LINGO2: variants seen among roughly 807,000 people sequenced by gnomAD.
LINGO2 encodes the protein leucine rich repeat and Ig domain containing 2, also known as leucine-rich repeat and immunoglobulin-like domain-containing nogo receptor-interacting protein 2.
In LINGO2, 14 loss-of-function variants were observed where a neutral mutation model predicts 30.6. The ratio of observed to expected loss-of-function variants is 0.46; its 90% CI spans 0.30 to 0.72. The LOEUF (loss-of-function observed/expected upper bound fraction) is 0.72. LINGO2 is among the 30% of genes least tolerant of loss of function. The pLI is 0.07. For synonymous variants in LINGO2, 317 were observed against 288.5 expected, an observed-to-expected ratio of 1.10 and a Z score of -1.00; for missense variants, 729 against 751.7, an observed-to-expected ratio of 0.97 and a Z score of 0.35.
chr9:28,771,375 G>A, the LINGO2 span, among the ~76,000 whole-genome samples: 1 of 151,050 alleles, frequency 6.6e-6, no homozygotes, highest in Non-Finnish European at 1.5e-5. Flanking sequence ...TAAGAAATCT[G>A]ATGTTGATCT....
chr9:28,222,528 T>C lies in LINGO2; in HGVS notation c.-87+72680A>G, dbSNP rs547593757. On this transcript the variant is annotated intron_variant, in intron 4 of 5. Coordinates refer to ENST00000379992, the Ensembl canonical transcript of LINGO2. ...AACTTGACTTAGGTAAAGGCAAAAT[T>C]TAAAAAAAAAAAGTCAGCATTACCT... 2.8e-5 allele frequency among the ~76,000 whole-genome samples: 4 copies of C among 140,914 alleles called. No individual in the cohort carries two copies. In the South Asian group the frequency reaches 9.3e-4, roughly 33 times the overall value. The allele number at this position is 140,914 out of a possible 152,430, so 92.4% of individuals were successfully genotyped here. A position where few individuals can be genotyped will look rare whatever the true frequency, so the allele number is the denominator to read the frequency against.
At chr9:29,091,939 T>C in the LINGO2 span, among the ~76,000 whole-genome samples, 1 of 152,036 alleles carries the variant, frequency 6.6e-6, no homozygotes, top group Non-Finnish European at 1.5e-5. Flanking sequence ...TATAAGAAAG[T>C]ACTAAATCGC....
the LINGO2 span, among the ~76,000 whole-genome samples, chr9:28,860,186 C>A: frequency 1.3e-5 from 2 of 152,002 alleles, no homozygotes; most frequent in South Asian, 4.1e-4. Context: ...TGGAAAAATA[C>A]CATTTTTACT....
intron 1 of LINGO2, among the ~76,000 whole-genome samples, chr9:28,580,107 G>A (rs1379039531): frequency 6.6e-6 from 1 of 152,040 alleles, no homozygotes; most frequent in Non-Finnish European, 1.5e-5. Context: ...TTGAGCCACA[G>A]GAATAGAATC....
intron 4 of LINGO2, among the ~76,000 whole-genome samples, chr9:28,111,225 C>T (rs1425321349): frequency 2.0e-5 from 3 of 151,858 alleles, no homozygotes; most frequent in Non-Finnish European, 2.9e-5. Flanking sequence ...ATCACACACC[C>T]GGGCCTATCG....
chr9:28,593,054 A>G (rs1304253324), intron 1 of LINGO2, among the ~76,000 whole-genome samples: 3 of 152,084 alleles, frequency 2.0e-5, no homozygotes, highest in Non-Finnish European at 2.9e-5. Flanking sequence ...ATATTAACAA[A>G]TACTAATTAC....
At chr9:28,837,567 A>C in the LINGO2 span, among the ~76,000 whole-genome samples, 1 of 148,588 alleles carries the variant, frequency 6.7e-6, no homozygotes, top group South Asian at 2.2e-4. Flanking sequence ...GAATTGCTTG[A>C]ACCCAAGAGG....
At chr9:28,687,489 T>C in the LINGO2 span, among the ~76,000 whole-genome samples, 8 of 152,258 alleles carry the variant, frequency 5.3e-5, no homozygotes, top group African/African-American at 1.4e-4. Flanking sequence ...ATAAATACTA[T>C]GCCAGAAGCT....
chr9:28,134,814 G>A lies in LINGO2; in HGVS notation c.-86-122409C>T, dbSNP rs73643301. Among the ~76,000 whole-genome samples, 1,206 of 152,290 alleles carry A rather than the reference G, an allele frequency of 7.9e-3. 7 individuals are homozygous for A. The highest frequency in any genetic ancestry group is 0.026 in the African/African-American group (1,083 of 41,552). On this transcript the variant is annotated intron_variant, in intron 4 of 5. Coordinates refer to ENST00000379992, the Ensembl canonical transcript of LINGO2. ...TGCCTTGGACAACAGAGCCGTTTCCGTTTATGACAACGGCAGTGAAGAAAT... is the reference window on the plus strand; with the variant it reads ...TGCCTTGGACAACAGAGCCGTTTCCATTTATGACAACGGCAGTGAAGAAAT...
chr9:28,826,602 T>C, the LINGO2 span, among the ~76,000 whole-genome samples: 1 of 152,134 alleles, frequency 6.6e-6, no homozygotes, highest in East Asian at 1.9e-4. Flanking sequence ...ATAATAAAAT[T>C]GGCTAGATGA....
chr9:29,064,047 C>A, the LINGO2 span, among the ~76,000 whole-genome samples: 15 of 152,080 alleles, frequency 9.9e-5, no homozygotes, highest in African/African-American at 2.9e-4. Flanking sequence ...TGAAAGTTAG[C>A]CAATTTTTAA....
At chr9:29,060,522 C>A in the LINGO2 span, among the ~76,000 whole-genome samples, 1 of 151,910 alleles carries the variant, frequency 6.6e-6, no homozygotes, top group Non-Finnish European at 1.5e-5. Context: ...AAGACACAAT[C>A]CAAATTTTTT....
At chr9:28,831,650 CAG>C in the LINGO2 span, among the ~76,000 whole-genome samples, 1 of 151,934 alleles carries the variant, frequency 6.6e-6, no homozygotes, top group Admixed American at 6.6e-5. Flanking sequence ...AAAAAAATAG[CAG>C]AATGAATAAA....
chr9:28,541,221 G>T (rs954096651), intron 1 of LINGO2, among the ~76,000 whole-genome samples: 1 of 152,094 alleles, frequency 6.6e-6, no homozygotes, highest in African/African-American at 2.4e-5. Context: ...CAGAATGCCT[G>T]CAATGAGGTT....
At chr9:28,352,113 C>T (rs1386808772) in intron 3 of LINGO2, among the ~76,000 whole-genome samples, 2 of 150,050 alleles carry the variant, frequency 1.3e-5, no homozygotes, top group Non-Finnish European at 3.0e-5. Flanking sequence ...CCCTCTCTCA[C>T]CACTCCTATT....
At chr9:28,442,218 A>T (rs1225809855) in intron 2 of LINGO2, among the ~76,000 whole-genome samples, 1 of 151,944 alleles carries the variant, frequency 6.6e-6, no homozygotes, top group Non-Finnish European at 1.5e-5. Context: ...TTCTTTAAGG[A>T]TATAAAAAAT....
chr9:28,365,298 G>T (rs966124629), intron 3 of LINGO2, among the ~76,000 whole-genome samples: 1 of 152,106 alleles, frequency 6.6e-6, no homozygotes, highest in South Asian at 2.1e-4. Flanking sequence ...ATAGGAGGTT[G>T]AAAATGTCAC....
At chr9:28,128,111 C>A (rs1321450219) in intron 4 of LINGO2, among the ~76,000 whole-genome samples, 2 of 152,150 alleles carry the variant, frequency 1.3e-5, no homozygotes, top group African/African-American at 4.8e-5. Context: ...AATGGAGTCA[C>A]AGGAAGGTAA....
At chr9:28,005,261 A>G (rs1210814653) in intron 5 of LINGO2, among the ~76,000 whole-genome samples, 1 of 152,190 alleles carries the variant, frequency 6.6e-6, no homozygotes, top group African/African-American at 2.4e-5. Context: ...TGTGCCCACC[A>G]TGGACACTTT....
Sources: gnomAD v4.1 joint callset for allele counts (sites outside exome capture counted in the v4.1 genomes callset) on GRCh38, gnomAD v4.1.1 for gene constraint, MANE v1.5 for transcripts, NCBI Gene and HGNC (gene_info 2026-07-23, HGNC 2026-07-21) for gene names.